The following CCDC187 variants were observed in gnomAD, a reference collection of about 807,000 sequenced individuals.
CCDC187 encodes the protein coiled-coil domain containing 187, also known as coiled-coil domain-containing protein 187.
CCDC187 carries 32 observed loss-of-function variants against 38.0 expected under a neutral mutation model. The observed-to-expected ratio is 0.84, with a 90% CI of 0.64 to 1.13. The LOEUF (loss-of-function observed/expected upper bound fraction) is 1.13. Ranked by LOEUF, CCDC187 falls within the 50% of genes most tolerant of loss-of-function variation. CCDC187 has a pLI of 0.00. For missense variants in CCDC187, 707 were observed against 786.8 expected, an observed-to-expected ratio of 0.90 and a Z score of 1.21; for synonymous variants, 333 against 347.9, an observed-to-expected ratio of 0.96 and a Z score of 0.48.
chr9:136,299,560 T>G (rs987238852), intron 3 of CCDC187, among the ~76,000 whole-genome samples: 1 of 152,302 alleles, frequency 6.6e-6, no homozygotes, highest in South Asian at 2.1e-4. Flanking sequence ...AGCAGCAGAG[T>G]GAGCCTGCCC....
intron 10 of CCDC187, among the ~76,000 whole-genome samples, chr9:136,278,059 G>A (rs998178931): frequency 1.9e-3 from 294 of 152,324 alleles, no homozygotes; most frequent in South Asian, 0.016. Context: ...GGTCACCCCC[G>A]TGGCCCCCAT....
chr9:136,278,391 C>T (rs1258440810), intron 10 of CCDC187, among the ~76,000 whole-genome samples: 1 of 152,196 alleles, frequency 6.6e-6, no homozygotes, highest in African/African-American at 2.4e-5. Context: ...TGTTCCTGAG[C>T]TCTGAGCTGT....
At chr9:136,259,307 G>A (rs1177369324) in intron 21 of CCDC187, 56 bp downstream of exon 21, 3 of 729,094 alleles carry the variant, frequency 4.1e-6, no homozygotes, top group African/African-American at 2.0e-5. Flanking sequence ...TGTTGGGGGG[G>A]GGTGGTCCCT....
At chr9:136,284,412 C>T (rs995564036) in intron 9 of CCDC187, among the ~76,000 whole-genome samples, 23 of 152,302 alleles carry the variant, frequency 1.5e-4, no homozygotes, top group Admixed American at 9.8e-4. Flanking sequence ...AGACCGCCGC[C>T]GGCCTGGCCT....
chr9:136,275,231 G>A lies in CCDC187; in HGVS notation c.3226-224C>T, dbSNP rs947209936. On this transcript the variant is annotated intron_variant, in intron 12 of 25. Transcript: ENST00000638797. ...AGGAAGCAGGGGTGGCCAGTGCCCCGCCAGGGCTGGAGGGTGTGGGAGCTG... is the reference window on the plus strand; with the variant it reads ...AGGAAGCAGGGGTGGCCAGTGCCCCACCAGGGCTGGAGGGTGTGGGAGCTG... Among the ~76,000 whole-genome samples, 407 of 152,260 alleles carry A rather than the reference G, an allele frequency of 2.7e-3. 2 individuals are homozygous for A. Among genetic ancestry groups the A allele is most frequent in the African/African-American group, 9.4e-3 (391 of 41,554 alleles).
chr9:136,274,728 TGTGTCCA>T lies in CCDC187; in HGVS notation c.3365_3371del (p.Leu1122GlnfsTer128), dbSNP rs1282822233. ...GACCCTGGGAGGACGTGGCAGCATCTGTGTCCAGAGGCGGGTGTGACCTACAGGTGAG... is the reference window on the plus strand; with the variant it reads ...GACCCTGGGAGGACGTGGCAGCATCTGAGGCGGGTGTGACCTACAGGTGAG... On this transcript the variant is annotated frameshift_variant, in exon 14 of 26. Transcript: ENST00000638797. LOFTEE classifies it high-confidence loss of function. 6.6e-6 allele frequency: 1 copy of T among 152,484 alleles called. No individual in the cohort carries two copies. The highest frequency in any genetic ancestry group is 6.5e-5 in the Admixed American group (1 of 15,310). 9.4% of individuals were successfully genotyped at this position (152,484 alleles called of 1,614,324 possible).
chr9:136,298,846 G>A (rs1831600836), intron 3 of CCDC187, among the ~76,000 whole-genome samples: 1 of 152,246 alleles, frequency 6.6e-6, no homozygotes, highest in East Asian at 1.9e-4. Flanking sequence ...AAGATGGAAA[G>A]TTCTAGAAAC....
At chr9:136,259,978 G>A (rs1198442302) in intron 20 of CCDC187, 141 bp downstream of exon 20, 1 of 670,556 alleles carries the variant, frequency 1.5e-6, no homozygotes, top group Non-Finnish European at 1.8e-6. Flanking sequence ...AGGGAGGCCG[G>A]GGTGGCCCGG....
rs112230941 is a variant in CCDC187 at position 136,253,881 on chromosome 9, C to T, written c.5947G>A (p.Val1983Ile). ...ACGGGAGACAGGATCTCAGTCAAGA[C>T]GTCACCGGCAAGTAGGGGACAGGCT... Reference protein sequence around the residue: ...EEACPLLAGDVLTEILSPVDE... With the variant: ...EEACPLLAGDILTEILSPVDE... Residue 1983 changes from valine (V) to isoleucine (I), a missense_variant, in exon 26 of 26, where the codon GTC (valine) becomes ATC (isoleucine). By Grantham distance (29) the Val-to-Ile change is conservative (BLOSUM62 3). Transcript: ENST00000638797. 0.046 allele frequency: 45,132 copies of T among 985,460 alleles called. 1,137 individuals are homozygous for T. Among genetic ancestry groups the T allele is most frequent in the Middle Eastern group, 0.061 (116 of 1,914 alleles). 61.0% of individuals were successfully genotyped at this position (985,460 alleles called of 1,614,324 possible). A position where few individuals can be genotyped will look rare whatever the true frequency, so the allele number is the denominator to read the frequency against.
chr9:136,268,131 G>A lies in CCDC187; in HGVS notation c.3443-6C>T, dbSNP rs1163431686. The A allele has an allele frequency of 1.0e-6, 1 of 985,410 alleles. No individual in the cohort carries two copies. The highest frequency in any genetic ancestry group is 1.2e-6 in the Non-Finnish European group (1 of 829,978). 61.0% of individuals were successfully genotyped at this position (985,410 alleles called of 1,614,324 possible). On this transcript the variant is annotated splice_region_variant and splice_polypyrimidine_tract_variant and intron_variant, in intron 14 of 25. Coordinates refer to ENST00000638797, the MANE Select transcript of CCDC187 (RefSeq NM_001378188.1). Reference sequence around the variant, plus strand: ...TCCGTCAGGGCCCTCCACCTCTGAGGAAGGAAGCGCCATGGTTGGGTCATG... The same window carrying A: ...TCCGTCAGGGCCCTCCACCTCTGAGAAAGGAAGCGCCATGGTTGGGTCATG...
At chr9:136,275,268 G>T (rs1035731645) in intron 12 of CCDC187, among the ~76,000 whole-genome samples, 77 of 152,310 alleles carry the variant, frequency 5.1e-4, no homozygotes, top group Non-Finnish European at 9.1e-4. Context: ...GGGACCAGCT[G>T]CATGGAGACG....
At chr9:136,292,467 CA>C (rs1395143131) in intron 4 of CCDC187, among the ~76,000 whole-genome samples, 172 bp from the exon 5 acceptor site, 1 of 152,234 alleles carries the variant, frequency 6.6e-6, no homozygotes, top group African/African-American at 2.4e-5. Context: ...GCGGGACCCT[CA>C]GCCTGCACAG....
chr9:136,263,292 T>C (rs1303144916), intron 18 of CCDC187, among the ~76,000 whole-genome samples: 1 of 145,128 alleles, frequency 6.9e-6, no homozygotes, highest in Non-Finnish European at 1.5e-5. Context: ...TGGAGTGCAG[T>C]GGCATATCTC....
Position 136,263,683 on chromosome 9 carries a change from A to C in CCDC187, c.3851T>G (p.Ile1284Ser). Residue 1284 changes from isoleucine (I) to serine (S), a missense_variant, in exon 18 of 26, where the codon ATC becomes AGC. Coordinates refer to ENST00000638797, the MANE Select transcript of CCDC187 (RefSeq NM_001378188.1). ...TGGGACGACGTCCGTGGGCCCCGGGATGGGGAGGATGTCCACAGGCCCCGG... is the reference window on the plus strand; with the variant it reads ...TGGGACGACGTCCGTGGGCCCCGGGCTGGGGAGGATGTCCACAGGCCCCGG... ...SMPGPVDILP[I>S]PGPTDVVPAH... 1.0e-6 allele frequency: 1 copy of C among 985,366 alleles called. No individual in the cohort carries two copies. 61.0% of individuals were successfully genotyped at this position (985,366 alleles called of 1,614,324 possible).
chr9:136,281,788 G>C lies in CCDC187; in HGVS notation c.2928-125C>G, dbSNP rs907731202. The C allele has an allele frequency of 7.0e-5, 28 of 397,596 alleles. 1 individual carries two copies. Among genetic ancestry groups the C allele is most frequent in the African/African-American group, 4.7e-4 (23 of 48,750 alleles). 24.6% of individuals were successfully genotyped at this position (397,596 alleles called of 1,614,324 possible). A position where few individuals can be genotyped will look rare whatever the true frequency, so the allele number is the denominator to read the frequency against. ...CTCCCGTGGCCTGGAGCAGCTCTCA[G>C]ACCCCCAACAGTGTGCCCAGGGTGG... is the stretch of plus-strand genomic sequence containing the variant. On this transcript the variant is annotated intron_variant, in intron 9 of 25. Transcript: ENST00000638797.
At position 136,291,217 on chromosome 9, in the gene CCDC187, C is replaced by A; in HGVS notation, c.1396G>T (p.Ala466Ser). ...TGGAAGGAGCGGTCCTGTCCTTGGG[C>A]CCCCCAGGCCCTCTGCGGACAGGAC... is the stretch of plus-strand genomic sequence containing the variant. ...RESCPQRAWG[A>S]QGQDRSFQRP... The change falls in exon 6 of 26, where the codon GCC becomes TCC. Residue 466 changes from alanine (A) to serine (S), a missense_variant. Physicochemically the swap from Ala to Ser is moderately conservative, Grantham distance 99. Coordinates refer to ENST00000638797, the MANE Select transcript of CCDC187 (RefSeq NM_001378188.1). 2 of 398,722 alleles carry A rather than the reference C, an allele frequency of 5.0e-6. No individual in the cohort carries two copies. The highest frequency in any genetic ancestry group is 8.8e-6 in the Non-Finnish European group (2 of 226,138). 24.7% of individuals were successfully genotyped at this position (398,722 alleles called of 1,614,324 possible).
chr9:136,298,202 C>G (rs914103833), intron 3 of CCDC187, among the ~76,000 whole-genome samples: 4 of 152,186 alleles, frequency 2.6e-5, no homozygotes, highest in Non-Finnish European at 2.9e-5. Flanking sequence ...GCCATGGGCA[C>G]TCAGGACTGT....
Position 136,254,947 on chromosome 9 carries a change from G to A in CCDC187, c.4881C>T (p.Pro1627=). ...PAGSVSSLSC[P]SLWEFQKAAA... ...CTGCTTTCTGGAACTCCCAGAGAGA[G>A]GGACAGGACAGGCTGCTCACAGAGC... Residue 1627 remains proline, a synonymous_variant, in exon 26 of 26, where the codon CCC becomes CCT. Transcript: ENST00000638797. The A allele has an allele frequency of 2.0e-6, 2 of 985,528 alleles. No individual in the cohort carries two copies. Among genetic ancestry groups the A allele is most frequent in the Non-Finnish European group, 2.4e-6 (2 of 829,970 alleles). The allele number at this position is 985,528 out of a possible 1,614,324, so 61.0% of individuals were successfully genotyped here. A position where few individuals can be genotyped will look rare whatever the true frequency, so the allele number is the denominator to read the frequency against.
intron 21 of CCDC187, among the ~76,000 whole-genome samples, 157 bp from the exon 22 acceptor site, chr9:136,259,158 A>C (rs1830650512): frequency 6.7e-6 from 1 of 149,920 alleles, no homozygotes; most frequent in Admixed American, 6.7e-5. Flanking sequence ...AGGCAGGGAC[A>C]AACAGGGACC....
Sources: allele counts gnomAD v4.1 joint callset (sites outside exome capture counted in the v4.1 genomes callset), GRCh38; gene constraint gnomAD v4.1.1; transcripts MANE v1.5; gene names NCBI Gene and HGNC (gene_info 2026-07-23, HGNC 2026-07-21).